The following PSMD12 variants were observed in gnomAD, a reference collection of about 807,000 sequenced individuals.
The protein encoded by PSMD12 is 26S proteasome non-ATPase regulatory subunit 12.
A neutral mutation model predicts 62.9 loss-of-function variants in PSMD12; 8 were observed. That is an observed-to-expected ratio of 0.13 (90% CI 0.07 to 0.23). The LOEUF (loss-of-function observed/expected upper bound fraction) is 0.23, where lower values mean the gene tolerates loss of function less well. Among genes scored for constraint, PSMD12 ranks in the 10% least tolerant of loss-of-function variants. The pLI is 1.00. For missense variants in PSMD12, 424 were observed against 550.2 expected, an observed-to-expected ratio of 0.77 and a Z score of 2.29; for synonymous variants, 173 against 187.4, an observed-to-expected ratio of 0.92 and a Z score of 0.63.
At chr17:67,342,295 G>C (rs752678333) in intron 9 of PSMD12, 32 bp from the exon 10 acceptor site, 15 of 1,380,972 alleles carry the variant, frequency 1.1e-5, no homozygotes, top group East Asian at 4.6e-5. Context: ...GGGAGAACAC[G>C]TAACATTTGT....
chr17:67,366,041 GAGCAAC>G lies in PSMD12; in HGVS notation c.108+365_108+370del, dbSNP rs2042175630. 5.9e-5 allele frequency among the ~76,000 whole-genome samples: 9 copies of G among 152,270 alleles called. No individual in the cohort carries two copies. The South Asian group carries it at 1.9e-3, about 32-fold the overall frequency. On this transcript the variant is annotated intron_variant, in intron 1 of 10. Transcript: ENST00000356126. ...AACGATGTAACGACATAAATTGATTGAGCAACAGCAACAGAACGAAACTCTCTGATC... is the reference window on the plus strand; with the variant it reads ...AACGATGTAACGACATAAATTGATTGAGCAACAGAACGAAACTCTCTGATC...
chr17:67,348,308 T>C (rs1235400708), intron 5 of PSMD12, among the ~76,000 whole-genome samples: 1 of 152,206 alleles, frequency 6.6e-6, no homozygotes, highest in Non-Finnish European at 1.5e-5. Flanking sequence ...GTTTAAACTG[T>C]AGGCATTTTA....
At chr17:67,348,383 T>C (rs1470334554) in intron 5 of PSMD12, among the ~76,000 whole-genome samples, 167 bp downstream of exon 5, 2 of 152,168 alleles carry the variant, frequency 1.3e-5, no homozygotes, top group Admixed American at 6.5e-5. Context: ...AATGAGGAAA[T>C]GACAATTTTC....
intron 3 of PSMD12, among the ~76,000 whole-genome samples, chr17:67,354,997 A>T (rs1364383846): frequency 6.6e-6 from 1 of 152,098 alleles, no homozygotes; most frequent in Admixed American, 6.6e-5. Context: ...CAAATAAATA[A>T]ATACATACAT....
Position 67,350,511 on chromosome 17 carries a change from C to G in PSMD12, c.298-175G>C, listed in dbSNP as rs534188238. On this transcript the variant is annotated intron_variant, in intron 3 of 10. Transcript: ENST00000356126. ...ACTGATACCTAAAAAGTACCGAGTA[C>G]CCCGTAACAAGTCAGTAAAGGTCAG... 3.9e-5 allele frequency among the ~76,000 whole-genome samples: 6 copies of G among 152,280 alleles called. No homozygotes were observed. The South Asian group carries it at 1.2e-3, about 32-fold the overall frequency.
At chr17:67,364,514 C>A (rs1011687101) in intron 1 of PSMD12, among the ~76,000 whole-genome samples, 1 of 152,220 alleles carries the variant, frequency 6.6e-6, no homozygotes, top group African/African-American at 2.4e-5. Context: ...GTGTCTAACA[C>A]TGACTAGGTC....
intron 5 of PSMD12, 101 bp downstream of exon 5, chr17:67,348,449 G>T (rs2041988281): frequency 1.1e-6 from 1 of 912,752 alleles, no homozygotes; most frequent in Non-Finnish European, 1.7e-6. Flanking sequence ...AATAATTATT[G>T]GTCCCAAACA....
In PSMD12 at chr17:67,362,218, C is replaced by T. The variant is rs1364130626; in HGVS notation, c.108+4194G>A. On this transcript the variant is annotated intron_variant, in intron 1 of 10. Transcript: ENST00000356126. The stretch of plus-strand genomic sequence containing the variant: ...TCAGTATATTAAGAACTGCTAAATA[C>T]CATATCTTTACAGTGCAGAAAAGGC... Among the ~76,000 whole-genome samples the T allele has an allele frequency of 2.6e-5, 4 of 152,252 alleles. No individual in the cohort carries two copies. In the East Asian group the frequency reaches 7.7e-4, roughly 29 times the overall value.
chr17:67,347,383 T>C lies in PSMD12; in HGVS notation c.613A>G (p.Ile205Val). 6.2e-7 allele frequency: 1 copy of C among 1,614,044 alleles called. No homozygotes were observed. The highest frequency in any genetic ancestry group is 8.5e-7 in the Non-Finnish European group (1 of 1,179,974). ...AATTTGGTGTTAATTTTCTTGCTGA[T>C]GATTTGTGTTCGAATGTAATCCTTC... is the stretch of plus-strand genomic sequence containing the variant. ...AVKDYIRTQI[I>V]SKKINTKFFQ... Residue 205 changes from isoleucine to valine, a missense_variant, in exon 6 of 11, where the codon ATC becomes GTC. Physicochemically the swap from Ile to Val is conservative, Grantham distance 29. Transcript: ENST00000356126.
intron 1 of PSMD12, chr17:67,361,312 T>A (rs1334800420): frequency 6.6e-6 from 1 of 152,248 alleles, no homozygotes; most frequent in Non-Finnish European, 1.5e-5. Context: ...CCAGGCATGG[T>A]GGCTCACGCC....
chr17:67,359,429 T>C (rs1242884610), intron 1 of PSMD12, among the ~76,000 whole-genome samples: 3 of 152,178 alleles, frequency 2.0e-5, no homozygotes, highest in Non-Finnish European at 2.9e-5. Flanking sequence ...TCTCTGACAA[T>C]AAATTGAAAT....
chr17:67,347,591 C>A (rs1388422054), intron 5 of PSMD12, 106 bp from the exon 6 acceptor site: 10 of 1,161,722 alleles, frequency 8.6e-6, no homozygotes, highest in African/African-American at 3.1e-5. Context: ...ATAATAAGAA[C>A]CTTCATGTAT....
chr17:67,358,151 G>A (rs2042094153), intron 1 of PSMD12, among the ~76,000 whole-genome samples: 1 of 152,088 alleles, frequency 6.6e-6, no homozygotes, highest in South Asian at 2.1e-4. Context: ...TTGAACTCCT[G>A]ACCTCAAGCG....
In PSMD12 at chr17:67,338,272, T is replaced by A. The variant is rs1024052151; in HGVS notation, c.*2571A>T. The stretch of plus-strand genomic sequence containing the variant: ...TATCTTCTCCACATTTAAAACAAAG[T>A]GCTTCTTCTCCTGATTGCCAGCTTT... On this transcript the variant is annotated 3_prime_UTR_variant, in exon 11 of 11. Coordinates refer to ENST00000356126, the MANE Select transcript of PSMD12 (RefSeq NM_002816.5). The A allele has an allele frequency of 1.3e-5, 2 of 152,196 alleles. No individual in the cohort carries two copies. The highest frequency in any genetic ancestry group is 2.9e-5 in the Non-Finnish European group (2 of 68,036). The allele number at this position is 152,196 out of a possible 1,614,324, so 9.4% of individuals were successfully genotyped here. A position where few individuals can be genotyped will look rare whatever the true frequency, so the allele number is the denominator to read the frequency against.
chr17:67,343,552 C>T (rs1037573851), intron 9 of PSMD12, among the ~76,000 whole-genome samples: 2 of 152,144 alleles, frequency 1.3e-5, no homozygotes, highest in African/African-American at 4.8e-5. Flanking sequence ...TCGATTCATC[C>T]GACCTGATCA....
intron 9 of PSMD12, among the ~76,000 whole-genome samples, chr17:67,342,785 A>G (rs1356702176): frequency 6.6e-6 from 1 of 151,940 alleles, no homozygotes; most frequent in Non-Finnish European, 1.5e-5. Context: ...AAAATTTAAA[A>G]ATTAGCTGAA....
At chr17:67,365,125 A>G (rs2042167204) in intron 1 of PSMD12, among the ~76,000 whole-genome samples, 1 of 151,396 alleles carries the variant, frequency 6.6e-6, no homozygotes. Context: ...CGGGGGTTGC[A>G]GTCAGCCAAG....
At chr17:67,345,708 G>A (rs770187017) in intron 8 of PSMD12, 37 bp downstream of exon 8, 5 of 1,532,570 alleles carry the variant, frequency 3.3e-6, no homozygotes, top group Middle Eastern at 2.3e-4. Context: ...ATGGTGTTTC[G>A]ACTGAGATAT....
intron 5 of PSMD12, 86 bp downstream of exon 5, chr17:67,348,463 TG>T: frequency 9.4e-7 from 1 of 1,062,248 alleles, no homozygotes; most frequent in Non-Finnish European, 1.4e-6. Context: ...CCAAACATTT[TG>T]GATAAGGGAT....
Sources: allele counts gnomAD v4.1 joint callset (sites outside exome capture counted in the v4.1 genomes callset), GRCh38; gene constraint gnomAD v4.1.1; transcripts MANE v1.5; gene names NCBI Gene and HGNC (gene_info 2026-07-23, HGNC 2026-07-21).